Variants in PKP1 observed in about 807,000 individuals in gnomAD.
The protein encoded by PKP1 is plakophilin 1.
Under a neutral mutation model 76.4 loss-of-function variants are expected in PKP1, and 27 were observed. The observed-to-expected ratio is 0.35, with a 90% CI of 0.26 to 0.49. PKP1 has a LOEUF of 0.49. Among genes scored for constraint, PKP1 ranks in the 20% least tolerant of loss-of-function variants. The pLI is 0.99. For missense variants in PKP1, 964 were observed against 955.2 expected (o/e 1.01, Z -0.12); for synonymous variants, 404 against 384.2 (o/e 1.05, Z -0.60).
intron 6 of PKP1, 59 bp from the exon 7 acceptor site, chr1:201,320,207 AC>A: frequency 1.0e-6 from 1 of 989,056 alleles, no homozygotes; most frequent in Non-Finnish European, 1.5e-6. Flanking sequence ...TCTTGTCCCC[AC>A]CTTCCCCGTT....
chr1:201,325,254 C>A, intron 11 of PKP1, 127 bp downstream of exon 11: 1 of 964,394 alleles, frequency 1.0e-6, no homozygotes. Context: ...GAGCCAGGGA[C>A]GGGGGAGGCT....
intron 3 of PKP1, among the ~76,000 whole-genome samples, chr1:201,314,117 C>T (rs61818255): frequency 0.016 from 2,506 of 152,248 alleles, 32 homozygotes; most frequent in South Asian, 0.035. Context: ...CGTTATAAGA[C>T]AGGTAAATCC....
chr1:201,323,120 G>C lies in PKP1; in HGVS notation c.1611G>C (p.Lys537Asn), dbSNP rs1303161730. 1.2e-6 allele frequency: 2 copies of C among 1,614,068 alleles called. No individual in the cohort carries two copies. The highest frequency in any genetic ancestry group is 1.7e-6 in the Non-Finnish European group (2 of 1,180,038). ...GCACCTACCTGAACCTCATGGGCAA[G>C]AGCAAGAAAGATGCTACCCTGGAGG... ...AIRTYLNLMG[K>N]SKKDATLEAC... Residue 537 changes from lysine (K) to asparagine (N), a missense_variant, in exon 9 of 14, where the codon AAG becomes AAC. Physicochemically the swap from Lys to Asn is moderately conservative, Grantham distance 94. Transcript: ENST00000367324.
At chr1:201,309,167 C>G (rs1228194043) in intron 2 of PKP1, among the ~76,000 whole-genome samples, 2 of 151,992 alleles carry the variant, frequency 1.3e-5, no homozygotes, top group African/African-American at 4.8e-5. Context: ...TTCACTGAGA[C>G]TGTCTCCTTG....
rs751826718 is a variant in PKP1 at position 201,322,070 on chromosome 1, C to T, written c.1440C>T (p.Ala480=). 8.7e-6 allele frequency: 14 copies of T among 1,613,488 alleles called. No individual in the cohort carries two copies. The highest frequency in any genetic ancestry group is 1.2e-5 in the Non-Finnish European group (14 of 1,179,960). The change falls in exon 8 of 14, where the codon GCC becomes GCT. Residue 480 remains alanine (A), a synonymous_variant. Coordinates refer to ENST00000367324, the MANE Select transcript of PKP1 (RefSeq NM_001005337.3). ...GCTACCGCCAGCTGGAGTATAACGC[C>T]CGCAACGCCTACACCGAGAAGTCCT... ...PTRYRQLEYN[A]RNAYTEKSST... is the part of the protein sequence containing the mutation.
At chr1:201,320,159 C>T in intron 6 of PKP1, 108 bp from the exon 7 acceptor site, 2 of 763,768 alleles carry the variant, frequency 2.6e-6, no homozygotes, top group South Asian at 2.9e-5. Context: ...CTCCCCTCTC[C>T]TGCCTGTTCT....
At chr1:201,308,191 G>A (rs900522917) in intron 2 of PKP1, among the ~76,000 whole-genome samples, 4 of 151,332 alleles carry the variant, frequency 2.6e-5, no homozygotes, top group Non-Finnish European at 4.5e-5. Flanking sequence ...ACCCCATGCC[G>A]TGCACCGGCA....
Position 201,283,680 on chromosome 1 carries a change from C to T in PKP1, c.-23C>T, listed in dbSNP as rs753003230. On this transcript the variant is annotated 5_prime_UTR_variant, in exon 1 of 14. Coordinates refer to ENST00000367324, the MANE Select transcript of PKP1 (RefSeq NM_001005337.3). Reference sequence around the variant, plus strand: ...TCTCTGCTCTCCTAGGCCCCGGCCGCGCGCCACCCGCCTCCCGCCACCATG... The same window carrying T: ...TCTCTGCTCTCCTAGGCCCCGGCCGTGCGCCACCCGCCTCCCGCCACCATG... 2 of 1,607,696 alleles carry T rather than the reference C, an allele frequency of 1.2e-6. No individual in the cohort carries two copies. The highest frequency in any genetic ancestry group is 1.7e-5 in the Admixed American group (1 of 59,620).
rs368747872 is a variant in PKP1 at position 201,292,156 on chromosome 1, C to T, written c.203-1786C>T. Reference sequence around the variant, plus strand: ...GGTGGCAAACGAGGCGGTAGTGTGGCCTTTGATGTCTGCCCTTCTTCCTTG... The same window carrying T: ...GGTGGCAAACGAGGCGGTAGTGTGGTCTTTGATGTCTGCCCTTCTTCCTTG... On this transcript the variant is annotated intron_variant, in intron 1 of 13. Transcript: ENST00000367324. Among the ~76,000 whole-genome samples, 30 of 152,236 alleles carry T rather than the reference C, an allele frequency of 2.0e-4. No individual in the cohort carries two copies. The East Asian group carries it at 5.0e-3, about 25-fold the overall frequency.
rs553911581 is a variant in PKP1 at position 201,313,303 on chromosome 1, G to A, written c.444G>A (p.Gln148=). ...TGAGSDICFM[Q]KIKASRSEPD... is the part of the protein sequence containing the mutation. Reference sequence around the variant, plus strand: ...CAGGCAGCGACATCTGCTTCATGCAGAAAATCAAGGCGAGCCGCAGTGAGC... The same window carrying A: ...CAGGCAGCGACATCTGCTTCATGCAAAAAATCAAGGCGAGCCGCAGTGAGC... The change falls in exon 3 of 14, where the codon CAG becomes CAA. Residue 148 remains glutamine, a synonymous_variant. Transcript: ENST00000367324. 2 of 1,600,166 alleles carry A rather than the reference G, an allele frequency of 1.2e-6. No individual in the cohort carries two copies. Among genetic ancestry groups the A allele is most frequent in the African/African-American group, 2.7e-5 (2 of 74,802 alleles).
At chr1:201,307,039 G>A (rs1238927976) in intron 2 of PKP1, among the ~76,000 whole-genome samples, 1 of 152,118 alleles carries the variant, frequency 6.6e-6, no homozygotes, top group African/African-American at 2.4e-5. Context: ...GGTGTTTATG[G>A]CTTCTGCTGT....
At chr1:201,304,766 G>A (rs1401152126) in intron 2 of PKP1, among the ~76,000 whole-genome samples, 1 of 152,232 alleles carries the variant, frequency 6.6e-6, no homozygotes, top group Admixed American at 6.5e-5. Flanking sequence ...GACTCTGGTA[G>A]CAGAGTGGCT....
chr1:201,293,217 AGG>A (rs1299870578), intron 1 of PKP1, among the ~76,000 whole-genome samples: 1 of 152,126 alleles, frequency 6.6e-6, no homozygotes, highest in African/African-American at 2.4e-5. Flanking sequence ...AAGGGAGATG[AGG>A]GGGGTGGCCC....
chr1:201,303,265 G>A (rs190637268), intron 2 of PKP1, among the ~76,000 whole-genome samples: 75 of 151,708 alleles, frequency 4.9e-4, no homozygotes, highest in Admixed American at 1.5e-3. Context: ...CAATCCTCCC[G>A]CCTCAGACTT....
intron 6 of PKP1, chr1:201,319,957 AAGG>A (rs1292212806): frequency 1.4e-6 from 2 of 1,470,590 alleles, no homozygotes; most frequent in South Asian, 1.1e-5. Context: ...GGGCAGAGTG[AAGG>A]AGGAGAAGAA....
intron 1 of PKP1, among the ~76,000 whole-genome samples, chr1:201,291,569 A>T (rs1655917929): frequency 6.6e-6 from 1 of 152,154 alleles, no homozygotes; most frequent in Non-Finnish European, 1.5e-5. Flanking sequence ...CTCCCAGAAG[A>T]CGGGCAAGAA....
chr1:201,318,843 T>G, intron 6 of PKP1, 48 bp downstream of exon 6: 19 of 1,447,962 alleles, frequency 1.3e-5, no homozygotes, highest in Non-Finnish European at 1.7e-5. Flanking sequence ...CCTTGGGCCC[T>G]TCCCCAGGCA....
chr1:201,310,685 G>GCTTGTCA (rs1192346356), intron 2 of PKP1, among the ~76,000 whole-genome samples: 1 of 152,214 alleles, frequency 6.6e-6, no homozygotes, highest in African/African-American at 2.4e-5. Context: ...GGGCCATGAT[G>GCTTGTCA]ATGGGAGAGA....
intron 1 of PKP1, among the ~76,000 whole-genome samples, chr1:201,291,791 G>C (rs1443010012): frequency 2.6e-5 from 4 of 152,176 alleles, no homozygotes; most frequent in Non-Finnish European, 5.9e-5. Context: ...AGTGGGCTGG[G>C]TGGAAGGGAG....
Sources: allele counts gnomAD v4.1 joint callset (sites outside exome capture counted in the v4.1 genomes callset), GRCh38; gene constraint gnomAD v4.1.1; transcripts MANE v1.5; gene names NCBI Gene and HGNC (gene_info 2026-07-23, HGNC 2026-07-21).